SLC14A2: variants seen among roughly 807,000 people sequenced by gnomAD.
SLC14A2 encodes solute carrier family 14 member 2, also known as urea transporter 2.
SLC14A2 carries 91 observed loss-of-function variants against 104.6 expected under a neutral mutation model. The ratio of observed to expected loss-of-function variants is 0.87; its 90% CI spans 0.73 to 1.04. The LOEUF is 1.04. Among genes scored for constraint, SLC14A2 ranks in the 50% least tolerant of loss-of-function variants. The pLI is 0.00. For synonymous variants in SLC14A2, 476 were observed against 466.4 expected (o/e 1.02, Z -0.27); for missense variants, 1,189 against 1,156.0 (o/e 1.03, Z -0.41).
intron 1 of SLC14A2, among the ~76,000 whole-genome samples, chr18:45,218,381 C>A (rs569070378): frequency 6.6e-6 from 1 of 152,186 alleles, no homozygotes; most frequent in Non-Finnish European, 1.5e-5. Context: ...CTATTGTATG[C>A]ATAGGCCACA....
chr18:45,641,121 A>T, intron 7 of SLC14A2, 88 bp from the exon 8 acceptor site: 1 of 1,415,726 alleles, frequency 7.1e-7, no homozygotes, highest in Non-Finnish European at 9.8e-7. Flanking sequence ...AACAGCATGG[A>T]GGCCACTCTG....
intron 1 of SLC14A2, among the ~76,000 whole-genome samples, chr18:45,356,071 G>A (rs1309589888): frequency 6.6e-6 from 1 of 152,172 alleles, no homozygotes; most frequent in Non-Finnish European, 1.5e-5. Context: ...GATGGGGTGT[G>A]TGAGGGATTT....
chr18:45,468,519 C>G (rs886417628), intron 1 of SLC14A2, among the ~76,000 whole-genome samples: 1 of 151,892 alleles, frequency 6.6e-6, no homozygotes, highest in Non-Finnish European at 1.5e-5. Flanking sequence ...GTCTTGGACT[C>G]GTGACTTTAT....
chr18:45,266,420 A>C (rs1272607289), intron 1 of SLC14A2, among the ~76,000 whole-genome samples: 1 of 152,124 alleles, frequency 6.6e-6, no homozygotes, highest in East Asian at 1.9e-4. Context: ...GGCTCTTTCA[A>C]GCCATTGGTT....
chr18:45,260,552 A>G (rs2084525292), intron 1 of SLC14A2, among the ~76,000 whole-genome samples: 1 of 152,218 alleles, frequency 6.6e-6, no homozygotes, highest in Non-Finnish European at 1.5e-5. Context: ...AAGACATGGA[A>G]TCAACCTAGG....
chr18:45,463,828 C>T (rs2087089948), intron 1 of SLC14A2, among the ~76,000 whole-genome samples: 1 of 152,176 alleles, frequency 6.6e-6, no homozygotes, highest in African/African-American at 2.4e-5. Flanking sequence ...TGGCAAAAGG[C>T]TCGTTGAACA....
At chr18:45,197,404 C>T in the SLC14A2 span, among the ~76,000 whole-genome samples, 8 of 152,200 alleles carry the variant, frequency 5.3e-5, no homozygotes, top group Non-Finnish European at 1.0e-4. Context: ...GAAGTGAGAG[C>T]CTATCAGTAT....
At chr18:45,360,091 C>A (rs142368264) in intron 1 of SLC14A2, among the ~76,000 whole-genome samples, 1 of 152,150 alleles carries the variant, frequency 6.6e-6, no homozygotes, top group East Asian at 1.9e-4. Context: ...CCCAACCTAC[C>A]CTCACCTCCT....
At chr18:45,334,329 A>G (rs2085317576) in intron 1 of SLC14A2, among the ~76,000 whole-genome samples, 1 of 152,214 alleles carries the variant, frequency 6.6e-6, no homozygotes, top group Non-Finnish European at 1.5e-5. Context: ...CAGTAGCATG[A>G]GGAAGCACTG....
chr18:45,178,121 T>G, the SLC14A2 span, among the ~76,000 whole-genome samples: 1 of 152,140 alleles, frequency 6.6e-6, no homozygotes, highest in Non-Finnish European at 1.5e-5. Context: ...GGGCTCCATG[T>G]CTCTTCCAGG....
chr18:45,256,423 A>G (rs527883628), intron 1 of SLC14A2, among the ~76,000 whole-genome samples: 1 of 152,202 alleles, frequency 6.6e-6, no homozygotes. Context: ...TGATAGTTCA[A>G]CTGCCTGGAG....
chr18:45,501,161 A>G (rs903264812), intron 2 of SLC14A2, among the ~76,000 whole-genome samples: 5 of 152,368 alleles, frequency 3.3e-5, no homozygotes, highest in African/African-American at 4.8e-5. Flanking sequence ...AACTTGCCCA[A>G]GATCACACAG....
intron 1 of SLC14A2, among the ~76,000 whole-genome samples, chr18:45,435,506 C>G (rs1027747171): frequency 1.3e-5 from 2 of 152,136 alleles, no homozygotes; most frequent in Non-Finnish European, 2.9e-5. Context: ...CAGGATGGCT[C>G]TATACTAGAT....
At chr18:45,253,856 C>CT (rs1465525710) in intron 1 of SLC14A2, among the ~76,000 whole-genome samples, 1 of 152,062 alleles carries the variant, frequency 6.6e-6, no homozygotes, top group East Asian at 1.9e-4. Flanking sequence ...TTTGTTTTTA[C>CT]TATAGTGTTC....
At chr18:45,482,564 C>T (rs1174972367) in intron 1 of SLC14A2, 2 of 152,224 alleles carry the variant, frequency 1.3e-5, no homozygotes, top group African/African-American at 2.4e-5. Context: ...GGATTCAGCT[C>T]CTCCTGGGCT....
chr18:45,205,494 G>A, the SLC14A2 span, among the ~76,000 whole-genome samples: 3 of 152,118 alleles, frequency 2.0e-5, no homozygotes, highest in Admixed American at 6.5e-5. Flanking sequence ...GAAGCGAGCC[G>A]TATAATGAGG....
At chr18:45,586,731 T>A (rs1052356939) in intron 2 of SLC14A2, among the ~76,000 whole-genome samples, 1 of 152,066 alleles carries the variant, frequency 6.6e-6, no homozygotes, top group African/African-American at 2.4e-5. Flanking sequence ...TCTCCCAATC[T>A]ACAATCAGGT....
chr18:45,259,370 A>G (rs971023485), intron 1 of SLC14A2, among the ~76,000 whole-genome samples: 1 of 152,214 alleles, frequency 6.6e-6, no homozygotes. Flanking sequence ...ATAATTCGCC[A>G]CAGCACAATT....
intron 4 of SLC14A2, among the ~76,000 whole-genome samples, chr18:45,628,016 A>AAAAAG (rs1471435384): frequency 1.3e-5 from 2 of 148,310 alleles, no homozygotes; most frequent in Admixed American, 6.7e-5. Context: ...AAAAAAAAAA[A>AAAAAG]AAAAGAAAAG....
Sources: allele counts gnomAD v4.1 joint callset (sites outside exome capture counted in the v4.1 genomes callset), GRCh38; gene constraint gnomAD v4.1.1; transcripts MANE v1.5; gene names NCBI Gene and HGNC (gene_info 2026-07-23, HGNC 2026-07-21).